NKD2: variants seen among roughly 807,000 people sequenced by gnomAD.
NKD2 encodes protein naked cuticle homolog 2.
A neutral mutation model predicts 34.8 loss-of-function variants in NKD2; 43 were observed. The ratio of observed to expected loss-of-function variants is 1.24; its 90% CI spans 0.97 to 1.60. The LOEUF is 1.60. NKD2 is among the 40% of genes most tolerant of loss of function. The pLI is 0.00. For synonymous variants in NKD2, 278 were observed against 265.1 expected, an observed-to-expected ratio of 1.05 and a Z score of -0.47; for missense variants, 675 against 627.1, an observed-to-expected ratio of 1.08 and a Z score of -0.82.
intron 3 of NKD2, among the ~76,000 whole-genome samples, chr5:1,031,657 G>A (rs937786073): frequency 2.0e-5 from 3 of 152,222 alleles, no homozygotes. Context: ...GCTGGGATGT[G>A]TTTGAAGTTT....
rs2150753863 is a variant in NKD2, at chr5:1,037,972, A to C, written c.955A>C (p.Thr319Pro). Residue 319 changes from threonine to proline, a missense_variant, in exon 10 of 10, where the codon ACG (threonine) becomes CCG (proline). By Grantham distance (38) the Thr-to-Pro change is conservative (BLOSUM62 -1). Coordinates refer to ENST00000296849, the MANE Select transcript of NKD2 (RefSeq NM_033120.4). Reference protein sequence around the residue: ...ASEPAARALDTQPRPKGPEKQ... With the variant: ...ASEPAARALDPQPRPKGPEKQ... ...GGAGCCTGCTGCCCGGGCCCTGGAC[A>C]CGCAGCCCCGGCCGAAGGGGCCGGA... 6.2e-7 allele frequency: 1 copy of C among 1,605,646 alleles called. No individual in the cohort carries two copies. Among genetic ancestry groups the C allele is most frequent in the Non-Finnish European group, 8.5e-7 (1 of 1,177,782 alleles).
chr5:1,011,603 G>T lies in NKD2; in HGVS notation c.141+2043G>T, dbSNP rs558882494. Among the ~76,000 whole-genome samples, 4 of 152,350 alleles carry T rather than the reference G, an allele frequency of 2.6e-5. No individual in the cohort carries two copies. In the South Asian group the frequency reaches 8.3e-4, roughly 32 times the overall value. ...TCCCTTCTCCAAAGTCCACCTCCTG[G>T]TTCCGTGCGAGGCATCCTGGGTGCC... On this transcript the variant is annotated intron_variant, in intron 3 of 9. Coordinates refer to ENST00000296849, the MANE Select transcript of NKD2 (RefSeq NM_033120.4).
chr5:1,035,988 A>C (rs1387960077), intron 8 of NKD2: 1 of 565,488 alleles, frequency 1.8e-6, no homozygotes, highest in Non-Finnish European at 2.7e-6. Flanking sequence ...ATCAGGTGCC[A>C]CTACAGCATG....
chr5:1,010,692 A>G (rs114679270), intron 3 of NKD2, among the ~76,000 whole-genome samples: 4,385 of 152,256 alleles, frequency 0.029, 97 homozygotes, highest in Non-Finnish European at 0.04. Context: ...TCCCCGCCCC[A>G]ATCTGGCTCT....
intron 4 of NKD2, 117 bp from the exon 5 acceptor site, chr5:1,033,255 A>C: frequency 9.8e-7 from 1 of 1,021,170 alleles, no homozygotes; most frequent in Non-Finnish European, 1.4e-6. Flanking sequence ...CTCTCAGCTC[A>C]GGCCCGTCTG....
intron 3 of NKD2, among the ~76,000 whole-genome samples, chr5:1,031,462 G>A (rs1251967931): frequency 6.6e-6 from 1 of 152,032 alleles, no homozygotes; most frequent in African/African-American, 2.4e-5. Context: ...CCTCCCGCCC[G>A]CCTGCCCGAG....
In NKD2 at chr5:1,008,936, C is replaced by G. The variant is rs1256507411; in HGVS notation, c.-122C>G. On this transcript the variant is annotated 5_prime_UTR_variant, in exon 1 of 10. Coordinates refer to ENST00000296849, the MANE Select transcript of NKD2 (RefSeq NM_033120.4). ...CCCGCGCGGCGTGGAGCCATCTTCC[C>G]TCACCTCCTACCGGCACCCTAGCTT... The G allele has an allele frequency of 2.5e-6, 1 of 392,596 alleles. No homozygotes were observed. The highest frequency in any genetic ancestry group is 2.1e-5 in the African/African-American group (1 of 47,926). The allele number at this position is 392,596 out of a possible 1,614,324, so 24.3% of individuals were successfully genotyped here.
intron 3 of NKD2, among the ~76,000 whole-genome samples, chr5:1,026,540 CCATT>C (rs1373793082): frequency 2.3e-4 from 15 of 65,706 alleles, no homozygotes; most frequent in Non-Finnish European, 5.6e-4. Flanking sequence ...GTGTCCCAGC[CCATT>C]GTCCCTGCTC....
chr5:1,032,317 G>A, intron 4 of NKD2, 105 bp downstream of exon 4: 1 of 872,926 alleles, frequency 1.1e-6, no homozygotes, highest in South Asian at 1.4e-5. Context: ...TGCGGAGCGA[G>A]GGCACTTCCC....
In NKD2 at chr5:1,037,935, C is replaced by G. The variant is rs139567404; in HGVS notation, c.918C>G (p.Val306=). The change falls in exon 10 of 10, where the codon GTC becomes GTG. Residue 306 remains valine, a synonymous_variant. Coordinates refer to ENST00000296849, the MANE Select transcript of NKD2 (RefSeq NM_033120.4). ...GGTCACAGGTGCTGGTGGAACACGTCGTGCCAGCCTCGGAGCCTGCTGCCC... is the reference window on the plus strand; with the variant it reads ...GGTCACAGGTGCTGGTGGAACACGTGGTGCCAGCCTCGGAGCCTGCTGCCC... ...HRRSQVLVEH[V]VPASEPAARA... is the part of the protein sequence containing the mutation. The G allele has an allele frequency of 3.1e-6, 5 of 1,607,202 alleles. No individual in the cohort carries two copies. In the African/African-American group the frequency reaches 6.7e-5, roughly 21 times the overall value.
At position 1,009,604 on chromosome 5, in the gene NKD2, C is replaced by CG; in HGVS notation, c.141+49dup. 7.3e-7 allele frequency: 1 copy of CG among 1,378,586 alleles called. No homozygotes were observed. The highest frequency in any genetic ancestry group is 1.6e-5 in the South Asian group (1 of 62,618). The allele number at this position is 1,378,586 out of a possible 1,614,324, so 85.4% of individuals were successfully genotyped here. A position where few individuals can be genotyped will look rare whatever the true frequency, so the allele number is the denominator to read the frequency against. On this transcript the variant is annotated intron_variant, in intron 3 of 9. Transcript: ENST00000296849. This position sits in a 1 kb window ranked among gnomAD's most constrained non-coding sequence, Gnocchi z 6.9. The stretch of plus-strand genomic sequence containing the variant: ...GCTGGGGTCGCGCTGCGCACCCGCC[C>CG]GGGGGCGGGGAGCGGTGTCAGAGCT...
At chr5:1,025,875 TCC>T (rs1756371052) in intron 3 of NKD2, among the ~76,000 whole-genome samples, 1 of 77,920 alleles carries the variant, frequency 1.3e-5, no homozygotes. Flanking sequence ...GCTGTGGGCG[TCC>T]CAGCCCGTTG....
chr5:1,036,554 A>G (rs1276618551), intron 9 of NKD2, among the ~76,000 whole-genome samples, 170 bp downstream of exon 9: 1 of 127,022 alleles, frequency 7.9e-6, no homozygotes, highest in Non-Finnish European at 1.6e-5. Context: ...TTCCACAGCT[A>G]CCTGTTGGTC....
At chr5:1,032,930 G>T (rs988424918) in intron 4 of NKD2, among the ~76,000 whole-genome samples, 1 of 152,250 alleles carries the variant, frequency 6.6e-6, no homozygotes, top group African/African-American at 2.4e-5. Flanking sequence ...CAGAGGCTGC[G>T]GGGAGGGGGC....
rs888949240 is a variant in NKD2, at chr5:1,009,392, A to T, written c.62-89A>T. On this transcript the variant is annotated intron_variant, in intron 2 of 9. Coordinates refer to ENST00000296849, the MANE Select transcript of NKD2 (RefSeq NM_033120.4). This position sits in a 1 kb window ranked among gnomAD's most constrained non-coding sequence, Gnocchi z 6.9. Reference sequence around the variant, plus strand: ...TGCGCGGTCTCCAGGCGATGGGGACACAGCGAAGGCGCAGCGCCCGCGGGG... The same window carrying T: ...TGCGCGGTCTCCAGGCGATGGGGACTCAGCGAAGGCGCAGCGCCCGCGGGG... 3.5e-6 allele frequency: 4 copies of T among 1,141,664 alleles called. No homozygotes were observed. Among genetic ancestry groups the T allele is most frequent in the Non-Finnish European group, 3.6e-6 (3 of 824,810 alleles). The allele number at this position is 1,141,664 out of a possible 1,614,324, so 70.7% of individuals were successfully genotyped here.
chr5:1,016,756 A>G lies in NKD2; in HGVS notation c.141+7196A>G, dbSNP rs1293023198. On this transcript the variant is annotated intron_variant, in intron 3 of 9. Transcript: ENST00000296849. ...GTACTTCCAGGACGAGGCCTCTCACATCCGCTAAGGGGGACGTGACAAGAG... is the reference window on the plus strand; with the variant it reads ...GTACTTCCAGGACGAGGCCTCTCACGTCCGCTAAGGGGGACGTGACAAGAG... 5.3e-5 allele frequency among the ~76,000 whole-genome samples: 8 copies of G among 152,284 alleles called. No individual in the cohort carries two copies. In the South Asian group the frequency reaches 1.0e-3, roughly 20 times the overall value.
At chr5:1,022,266 A>G (rs1429528440) in intron 3 of NKD2, among the ~76,000 whole-genome samples, 26 of 122,754 alleles carry the variant, frequency 2.1e-4, no homozygotes, top group African/African-American at 4.5e-4. Context: ...TGGGCGTCTC[A>G]GCCCATTGTC....
At chr5:1,036,803 G>A (rs1303055038) in intron 9 of NKD2, 2 of 459,138 alleles carry the variant, frequency 4.4e-6, no homozygotes, top group South Asian at 1.6e-5. Context: ...TGGACAACAG[G>A]CAGTGTGGAC....
intron 9 of NKD2, chr5:1,037,499 C>T (rs1342345469): frequency 6.5e-7 from 1 of 1,532,808 alleles, no homozygotes; most frequent in Admixed American, 2.0e-5. Flanking sequence ...ACCTGGCTTT[C>T]TGCCACGGCG....
Sources: allele counts gnomAD v4.1 joint callset (sites outside exome capture counted in the v4.1 genomes callset), GRCh38; gene constraint gnomAD v4.1.1; non-coding constraint Gnocchi (gnomAD v3.1); transcripts MANE v1.5; gene names NCBI Gene and HGNC (gene_info 2026-07-23, HGNC 2026-07-21).